Variants in MTMR11 observed in about 807,000 individuals in gnomAD.
MTMR11 encodes myotubularin-related protein 11.
A neutral mutation model predicts 100.0 loss-of-function variants in MTMR11; 89 were observed. The ratio of observed to expected loss-of-function variants is 0.89; its 90% confidence interval spans 0.75 to 1.06. MTMR11 has a LOEUF of 1.06. MTMR11 is among the 50% of genes least tolerant of loss of function. The probability of loss-of-function intolerance (pLI) is 0.00; values close to 1 mark genes in which losing one functional copy is unlikely to be tolerated. For missense variants in MTMR11, 809 were observed against 873.7 expected, an observed-to-expected ratio of 0.93 and a Z score of 0.93; for synonymous variants, 336 against 326.3, an observed-to-expected ratio of 1.03 and a Z score of -0.32.
chr1:149,931,345 CCAAA>C lies in MTMR11; in HGVS notation c.1201_1204del (p.Phe401AlafsTer5), dbSNP rs782454239. Reference sequence around the variant, plus strand: ...CTCTCGCTGTACTAGTGATTGGAAGCCAAACAGTGTTCGGGCTTCGGGGGCTGAA... The same window carrying C: ...CTCTCGCTGTACTAGTGATTGGAAGCCAGTGTTCGGGCTTCGGGGGCTGAA... On this transcript the variant is annotated frameshift_variant, in exon 13 of 17. Coordinates refer to ENST00000439741, the MANE Select transcript of MTMR11 (RefSeq NM_001145862.2). LOFTEE classifies it high-confidence loss of function. The C allele has an allele frequency of 3.7e-6, 6 of 1,613,898 alleles. No individual in the cohort carries two copies. The highest frequency in any genetic ancestry group is 2.7e-5 in the African/African-American group (2 of 74,862).
chr1:149,931,716 C>G (rs113885977), intron 12 of MTMR11: 1 of 582,518 alleles, frequency 1.7e-6, no homozygotes, highest in African/African-American at 1.9e-5. Flanking sequence ...AGTCTCCATC[C>G]GCTGATGGAA....
At chr1:149,932,866 G>T (rs1019194145) in intron 10 of MTMR11, among the ~76,000 whole-genome samples, 2 of 151,638 alleles carry the variant, frequency 1.3e-5, no homozygotes, top group Non-Finnish European at 2.9e-5. Context: ...CAGGAGAATC[G>T]CTTGAACATG....
In MTMR11 at chr1:149,928,874, C is replaced by T; in HGVS notation, c.*255G>A. On this transcript the variant is annotated 3_prime_UTR_variant, in exon 17 of 17. Transcript: ENST00000439741. ...CATCTCTGATCTCATGATTTAACAT[C>T]TGGTTATCCAGAAGGGATGGGATTG... 6.2e-7 allele frequency: 1 copy of T among 1,613,688 alleles called. No individual in the cohort carries two copies. The highest frequency in any genetic ancestry group is 1.3e-5 in the African/African-American group (1 of 75,010).
At chr1:149,936,558 A>AC (rs2092725204) in intron 1 of MTMR11, 24 bp downstream of exon 1, 3 of 1,473,626 alleles carry the variant, frequency 2.0e-6, no homozygotes, top group Admixed American at 2.0e-5. Context: ...TCTTGCCGAC[A>AC]CCCCCCAAAT....
Position 149,934,444 on chromosome 1 carries a change from T to C in MTMR11, c.547+4A>G. Reference sequence around the variant, plus strand: ...CTTCCTTACCCTAAAGCACTCTCACTCACCAGCCTTGCTCAGGGTTATCCC... The same window carrying C: ...CTTCCTTACCCTAAAGCACTCTCACCCACCAGCCTTGCTCAGGGTTATCCC... On this transcript the variant is annotated splice_donor_region_variant and intron_variant, in intron 6 of 16. Coordinates refer to ENST00000439741, the MANE Select transcript of MTMR11 (RefSeq NM_001145862.2). 1 of 1,614,184 alleles carries C rather than the reference T, an allele frequency of 6.2e-7. No individual in the cohort carries two copies. The highest frequency in any genetic ancestry group is 8.5e-7 in the Non-Finnish European group (1 of 1,180,002).
At position 149,930,755 on chromosome 1, in the gene MTMR11, GA is replaced by G. The variant is rs587613414; in HGVS notation, c.1464+36del. ...AAACTTCAGAGAGTACATCTCAATGGAAAAAAAAACACGAGTCAAAAATAGA... is the reference window on the plus strand; with the variant it reads ...AAACTTCAGAGAGTACATCTCAATGGAAAAAAAACACGAGTCAAAAATAGA... On this transcript the variant is annotated intron_variant, in intron 14 of 16. Transcript: ENST00000439741. 1.1e-4 allele frequency: 162 copies of G among 1,461,650 alleles called. No individual in the cohort carries two copies. The African/African-American group carries it at 1.7e-3, about 15-fold the overall frequency. 90.5% of individuals were successfully genotyped at this position (1,461,650 alleles called of 1,614,324 possible).
chr1:149,936,424 C>A, intron 1 of MTMR11, 158 bp downstream of exon 1: 1 of 1,434,274 alleles, frequency 7.0e-7, no homozygotes, highest in South Asian at 1.5e-5. Context: ...AGACAACGAA[C>A]TTGAGACTGA....
chr1:149,936,369 C>T, intron 1 of MTMR11, 140 bp from the exon 2 acceptor site: 4 of 1,480,600 alleles, frequency 2.7e-6, no homozygotes, highest in Non-Finnish European at 3.6e-6. Flanking sequence ...CCAGACCTAA[C>T]AGGGCTGGTA....
rs2092714050 is a variant in MTMR11, at chr1:149,935,801, G to A, written c.143-96C>T. The A allele has an allele frequency of 1.2e-5, 17 of 1,398,374 alleles. No homozygotes were observed. In the South Asian group the frequency reaches 2.0e-4, roughly 16 times the overall value. 86.6% of individuals were successfully genotyped at this position (1,398,374 alleles called of 1,614,324 possible). On this transcript the variant is annotated intron_variant, in intron 2 of 16. Coordinates refer to ENST00000439741, the MANE Select transcript of MTMR11 (RefSeq NM_001145862.2). ...TCCAAGAAAGGGAGATCTAAATAGG[G>A]AAGATTAAAATCCTCCCCAAAGCCC...
intron 1 of MTMR11, 88 bp from the exon 2 acceptor site, chr1:149,936,317 C>T (rs1307714280): frequency 1.3e-6 from 2 of 1,570,388 alleles, no homozygotes; most frequent in Admixed American, 1.9e-5. Flanking sequence ...GGCCTACACT[C>T]ACACTCTCGG....
At chr1:149,934,117 T>C in intron 7 of MTMR11, 74 bp downstream of exon 7, 1 of 1,604,064 alleles carries the variant, frequency 6.2e-7, no homozygotes, top group Middle Eastern at 1.8e-4. Context: ...TTGTGGGAAG[T>C]CCTAGCTTTA....
rs1295397604 is a variant in MTMR11, at chr1:149,933,930, G to A, written c.696C>T (p.Tyr232=). The A allele has an allele frequency of 6.2e-7, 1 of 1,613,954 alleles. No homozygotes were observed. Among genetic ancestry groups the A allele is most frequent in the African/African-American group, 1.3e-5 (1 of 74,928 alleles). The change falls in exon 8 of 17, where the codon TAC becomes TAT. Residue 232 remains tyrosine, a synonymous_variant. Coordinates refer to ENST00000439741, the MANE Select transcript of MTMR11 (RefSeq NM_001145862.2). Reference sequence around the variant, plus strand: ...CCAGAATTCGGTTAGGGACCCAGAAGTAACGGGGGAGGCTGTGAAATGAGA... The same window carrying A: ...CCAGAATTCGGTTAGGGACCCAGAAATAACGGGGGAGGCTGTGAAATGAGA... ...RFDVATSLPR[Y]FWVPNRILDS...
chr1:149,933,518 C>T lies in MTMR11; in HGVS notation c.873G>A (p.Leu291=). The T allele has an allele frequency of 6.2e-7, 1 of 1,614,116 alleles. No homozygotes were observed. Among genetic ancestry groups the T allele is most frequent in the East Asian group, 2.2e-5 (1 of 44,876 alleles). ...PNKEDIRAVE[L]MLQAGHSDVV... ...CATCTGAATGCCCAGCCTGGAGCAT[C>T]AACTCCACTGCTCTGGAGGGGAGGG... The change falls in exon 10 of 17, where the codon TTG becomes TTA. Residue 291 remains leucine (L), a synonymous_variant. Coordinates refer to ENST00000439741, the MANE Select transcript of MTMR11 (RefSeq NM_001145862.2).
chr1:149,931,917 T>A, intron 12 of MTMR11, 27 bp downstream of exon 12: 3 of 1,581,290 alleles, frequency 1.9e-6, no homozygotes, highest in Non-Finnish European at 1.7e-6. Flanking sequence ...AGGCAAGGAA[T>A]GGAATGGGCT....
chr1:149,935,554 C>T, intron 3 of MTMR11, 30 bp downstream of exon 3: 1 of 1,610,108 alleles, frequency 6.2e-7, no homozygotes, highest in African/African-American at 1.3e-5. Flanking sequence ...TTCCCACTAG[C>T]TGTCATTTCT....
At chr1:149,934,362 A>C in intron 6 of MTMR11, 36 bp from the exon 7 acceptor site, 1 of 1,613,874 alleles carries the variant, frequency 6.2e-7, no homozygotes, top group Admixed American at 1.7e-5. Flanking sequence ...AGGAAGGAGA[A>C]AATCAGAGAC....
chr1:149,932,780 G>A (rs587624803), intron 10 of MTMR11, among the ~76,000 whole-genome samples: 12 of 151,898 alleles, frequency 7.9e-5, no homozygotes, highest in East Asian at 2.0e-4. Context: ...GTGAAACCTC[G>A]TCTCTACTAA....
intron 12 of MTMR11, 66 bp downstream of exon 12, chr1:149,931,878 T>C: frequency 7.0e-7 from 1 of 1,419,792 alleles, no homozygotes; most frequent in Non-Finnish European, 9.9e-7. Context: ...CCTCCCTGAA[T>C]GCAATCTGGT....
chr1:149,936,089 G>T, intron 2 of MTMR11, 65 bp downstream of exon 2: 3 of 1,509,340 alleles, frequency 2.0e-6, no homozygotes, highest in Non-Finnish European at 2.8e-6. Context: ...TTTGGTGAGG[G>T]CATGAAACAA....
Sources: gnomAD v4.1 joint callset for allele counts (sites outside exome capture counted in the v4.1 genomes callset) on GRCh38, gnomAD v4.1.1 for gene constraint, MANE v1.5 for transcripts, NCBI Gene and HGNC (gene_info 2026-07-23, HGNC 2026-07-21) for gene names.